Variants in TULP4 observed in about 807,000 individuals in gnomAD.
TULP4 encodes the protein TUB like protein 4, also known as tubby-related protein 4.
TULP4 carries 16 observed loss-of-function variants against 129.0 expected under a neutral mutation model. That is an observed-to-expected ratio of 0.12 (90% CI 0.08 to 0.19). The LOEUF (loss-of-function observed/expected upper bound fraction) is 0.19, where lower values mean the gene tolerates loss of function less well. TULP4 is among the 10% of genes least tolerant of loss of function. The pLI, the probability that TULP4 is intolerant of heterozygous loss-of-function variation, is 1.00. For synonymous variants in TULP4, 998 were observed against 854.0 expected (o/e 1.17, Z -2.94); for missense variants, 1,842 against 2,059.1 (o/e 0.89, Z 2.04).
At chr6:158,374,162 C>CA (rs1451916636) in intron 1 of TULP4, among the ~76,000 whole-genome samples, 1 of 152,108 alleles carries the variant, frequency 6.6e-6, no homozygotes, top group African/African-American at 2.4e-5. Context: ...AGTAGTGCCC[C>CA]TATAGCCCCA....
chr6:158,478,163 C>G (rs1414969639), intron 6 of TULP4, among the ~76,000 whole-genome samples: 2 of 152,134 alleles, frequency 1.3e-5, no homozygotes, highest in African/African-American at 2.4e-5. Context: ...TGCTTATTAT[C>G]CAGGTGACAA....
intron 1 of TULP4, among the ~76,000 whole-genome samples, chr6:158,345,730 G>T (rs1368510245): frequency 3.3e-5 from 5 of 152,220 alleles, no homozygotes; most frequent in African/African-American, 9.6e-5. Context: ...TTTCAGCGGT[G>T]CACGTATTGT....
chr6:158,357,614 T>C (rs1266528561), intron 1 of TULP4, among the ~76,000 whole-genome samples: 1 of 152,226 alleles, frequency 6.6e-6, no homozygotes, highest in Non-Finnish European at 1.5e-5. Context: ...ATACCTTTGC[T>C]CTGATGTTAT....
At position 158,435,649 on chromosome 6, in the gene TULP4, T is replaced by C. The variant is rs564759541; in HGVS notation, c.543+5752T>C. On this transcript the variant is annotated intron_variant, in intron 3 of 13. Transcript: ENST00000367097. ...GCATCAGCTCCCATCTGTTTGCTGCTGGCTCCCCACACCTATCCCGCGCTC... is the reference window on the plus strand; with the variant it reads ...GCATCAGCTCCCATCTGTTTGCTGCCGGCTCCCCACACCTATCCCGCGCTC... Among the ~76,000 whole-genome samples, 69 of 152,272 alleles carry C rather than the reference T, an allele frequency of 4.5e-4. 1 individual carries two copies. The highest frequency in any genetic ancestry group is 1.6e-3 in the African/African-American group (68 of 41,546).
intron 1 of TULP4, among the ~76,000 whole-genome samples, chr6:158,269,378 T>A (rs1454104273): frequency 9.0e-6 from 1 of 111,254 alleles, no homozygotes; most frequent in Non-Finnish European, 2.0e-5. Context: ...TTTCAGCATT[T>A]GTAAAAAAAA....
In TULP4 at chr6:158,258,962, G is replaced by T. The variant is rs564803887; in HGVS notation, n.68+26659G>T. On this transcript the variant is annotated intron_variant and non_coding_transcript_variant, in intron 1 of 1. Coordinates refer to the TULP4 transcript ENST00000620026. Reference sequence around the variant, plus strand: ...TATTCTAAATTTGCCAGGTATAGTGGCTCATGCCTGTAATCCCAGCACTTT... The same window carrying T: ...TATTCTAAATTTGCCAGGTATAGTGTCTCATGCCTGTAATCCCAGCACTTT... Among the ~76,000 whole-genome samples the T allele has an allele frequency of 5.3e-5, 8 of 152,308 alleles. No individual in the cohort carries two copies. In the South Asian group the frequency reaches 1.7e-3, roughly 32 times the overall value.
chr6:158,429,785 A>G lies in TULP4; in HGVS notation c.431A>G (p.Tyr144Cys). 1 of 1,614,080 alleles carries G rather than the reference A, an allele frequency of 6.2e-7. No individual in the cohort carries two copies. The highest frequency in any genetic ancestry group is 8.5e-7 in the Non-Finnish European group (1 of 1,179,984). ...SHDGTQALISYRDGFVLVGSV... is the reference protein window; with the variant it reads ...SHDGTQALISCRDGFVLVGSV... The stretch of plus-strand genomic sequence containing the variant: ...GATGGAACTCAAGCACTTATTTCCT[A>G]TCGAGATGGGTTTGTCCTGGTTGGG... The change falls in exon 3 of 14, where the codon TAT (tyrosine) becomes TGT (cysteine). Residue 144 changes from tyrosine (Y) to cysteine (C), a missense_variant. Tyr to Cys is a radical substitution (Grantham distance 194). Around this residue, in one of 5 missense-constraint regions of TULP4, gnomAD observed 151 missense variants for 268.7 expected, o/e 0.56. Coordinates refer to ENST00000367097, the MANE Select transcript of TULP4 (RefSeq NM_020245.5).
At chr6:158,408,162 G>A (rs758593398) in intron 1 of TULP4, among the ~76,000 whole-genome samples, 1 of 152,178 alleles carries the variant, frequency 6.6e-6, no homozygotes, top group African/African-American at 2.4e-5. Flanking sequence ...GCAGTGTACC[G>A]TATGGGCCGG....
chr6:158,463,492 G>A (rs1583905864), intron 6 of TULP4, among the ~76,000 whole-genome samples: 1 of 151,954 alleles, frequency 6.6e-6, no homozygotes, highest in East Asian at 1.9e-4. Flanking sequence ...ACCAGGGCCT[G>A]TTGTAGGGTG....
chr6:158,238,759 A>G (rs2128442746), intron 1 of TULP4, among the ~76,000 whole-genome samples: 1 of 100,816 alleles, frequency 9.9e-6, no homozygotes, highest in African/African-American at 3.6e-5. Flanking sequence ...GTCACAGATC[A>G]ACAGGATCCC....
At chr6:158,243,131 A>G (rs1777956935) in intron 1 of TULP4, among the ~76,000 whole-genome samples, 1 of 152,142 alleles carries the variant, frequency 6.6e-6, no homozygotes, top group Admixed American at 6.5e-5. Flanking sequence ...AGACTGGTGT[A>G]ATAAAGCACT....
intron 1 of TULP4, among the ~76,000 whole-genome samples, chr6:158,234,906 C>G (rs1777659935): frequency 6.6e-6 from 1 of 152,186 alleles, no homozygotes; most frequent in South Asian, 2.1e-4. Flanking sequence ...GTGGCTCCCG[C>G]CTATAATCCC....
intron 1 of TULP4, among the ~76,000 whole-genome samples, chr6:158,400,569 C>T (rs1377904919): frequency 6.6e-6 from 1 of 152,096 alleles, no homozygotes; most frequent in Non-Finnish European, 1.5e-5. Context: ...ATCATCTTTG[C>T]ATTTACTCCA....
At chr6:158,384,952 G>A (rs1487026167) in intron 1 of TULP4, among the ~76,000 whole-genome samples, 1 of 152,212 alleles carries the variant, frequency 6.6e-6, no homozygotes. Flanking sequence ...GGTAGCTTTA[G>A]AAGTTCCAAA....
At chr6:158,312,126 G>A (rs200147430), upstream of TULP4, 26 of 397,578 alleles carry the variant, frequency 6.5e-5, no homozygotes, top group East Asian at 7.8e-4. Flanking sequence ...CAGACGCTTC[G>A]TATGGCAGTT....
rs1026552163 is a variant in TULP4 at position 158,510,990 on chromosome 6, G to A, written c.*4296G>A. 8.5e-5 allele frequency: 13 copies of A among 152,608 alleles called. No homozygotes were observed. Among genetic ancestry groups the A allele is most frequent in the African/African-American group, 2.9e-4 (12 of 41,556 alleles). The allele number at this position is 152,608 out of a possible 1,614,324, so 9.5% of individuals were successfully genotyped here. A position where few individuals can be genotyped will look rare whatever the true frequency, so the allele number is the denominator to read the frequency against. Reference sequence around the variant, plus strand: ...GAGACAAAAATGTGTCCAAAATGTCGTTTGAGTTCCTGGGATTTCTGTAAT... The same window carrying A: ...GAGACAAAAATGTGTCCAAAATGTCATTTGAGTTCCTGGGATTTCTGTAAT... On this transcript the variant is annotated 3_prime_UTR_variant, in exon 14 of 14. Transcript: ENST00000367097.
chr6:158,331,511 T>A (rs563995375), intron 1 of TULP4, among the ~76,000 whole-genome samples: 1 of 151,682 alleles, frequency 6.6e-6, no homozygotes, highest in African/African-American at 2.4e-5. Flanking sequence ...TCTTTATTTA[T>A]TTTCTAGCTT....
chr6:158,298,704 C>T lies in TULP4; in HGVS notation n.117-13347C>T, dbSNP rs149827965. Among the ~76,000 whole-genome samples the T allele has an allele frequency of 3.7e-3, 568 of 152,284 alleles. 4 individuals carry two copies. The highest frequency in any genetic ancestry group is 0.013 in the African/African-American group (541 of 41,562). On this transcript the variant is annotated intron_variant and non_coding_transcript_variant, in intron 1 of 1. Coordinates refer to the TULP4 transcript ENST00000432358. The stretch of plus-strand genomic sequence containing the variant: ...TCCAAATTTTGATATTTTCCACTAA[C>T]AGCATGTAAGGAGGCTTAACACAAC...
At chr6:158,481,633 A>G (rs1259070239) in intron 8 of TULP4, 1 of 320,148 alleles carries the variant, frequency 3.1e-6, no homozygotes, top group Non-Finnish European at 6.0e-6. Context: ...ATATTGAGAC[A>G]ACTTGAAAAT....
Sources: allele counts gnomAD v4.1 joint callset (sites outside exome capture counted in the v4.1 genomes callset), GRCh38; gene constraint gnomAD v4.1.1; regional missense constraint gnomAD v4.1.1; transcripts MANE v1.5; gene names NCBI Gene and HGNC (gene_info 2026-07-23, HGNC 2026-07-21).